The following TMCC1 variants were observed in gnomAD, a reference collection of about 807,000 sequenced individuals.
TMCC1 encodes the protein transmembrane and coiled-coil domains protein 1.
A neutral mutation model predicts 52.4 loss-of-function variants in TMCC1; 15 were observed. That is an observed-to-expected ratio of 0.29 (90% confidence interval 0.19 to 0.44). The LOEUF is 0.44. TMCC1 is among the 20% of genes least tolerant of loss of function. The pLI is 1.00. For synonymous variants in TMCC1, 279 were observed against 301.9 expected, an observed-to-expected ratio of 0.92 and a Z score of 0.79; for missense variants, 503 against 806.0, an observed-to-expected ratio of 0.62 and a Z score of 4.55.
chr3:129,815,167 G>A (rs985995100), intron 4 of TMCC1, among the ~76,000 whole-genome samples: 2 of 151,548 alleles, frequency 1.3e-5, no homozygotes, highest in Admixed American at 6.6e-5. Flanking sequence ...AAATCTCAAC[G>A]ATTAAAAAAA....
intron 4 of TMCC1, among the ~76,000 whole-genome samples, chr3:129,682,606 G>A (rs2089088013): frequency 6.6e-6 from 1 of 152,086 alleles, no homozygotes; most frequent in African/African-American, 2.4e-5. Flanking sequence ...CTGCTACATA[G>A]ATGACTCTCT....
At chr3:129,817,999 G>A (rs1189585422) in intron 4 of TMCC1, among the ~76,000 whole-genome samples, 14 of 152,076 alleles carry the variant, frequency 9.2e-5, no homozygotes, top group African/African-American at 3.1e-4. Flanking sequence ...TAGTAGAGAC[G>A]GGGTCTCACC....
At chr3:129,765,317 C>T (rs1422989043) in intron 4 of TMCC1, among the ~76,000 whole-genome samples, 1 of 151,942 alleles carries the variant, frequency 6.6e-6, no homozygotes, top group Non-Finnish European at 1.5e-5. Context: ...TGAAAAATAG[C>T]TGTCTTTAAA....
intron 2 of TMCC1, among the ~76,000 whole-genome samples, chr3:129,864,770 T>C (rs547475780): frequency 2.0e-5 from 3 of 152,364 alleles, no homozygotes; most frequent in East Asian, 1.9e-4. Context: ...GAATTTTAAC[T>C]GTCAATTAGG....
chr3:129,830,140 G>A (rs187850655), intron 3 of TMCC1, among the ~76,000 whole-genome samples: 3 of 152,308 alleles, frequency 2.0e-5, no homozygotes, highest in African/African-American at 7.2e-5. Context: ...TGGCTCCACT[G>A]AAATCTAGCC....
intron 2 of TMCC1, among the ~76,000 whole-genome samples, chr3:129,846,042 AAAAAGAAAAAAC>A (rs1332761523): frequency 1.3e-5 from 2 of 152,276 alleles, no homozygotes; most frequent in South Asian, 2.1e-4. Flanking sequence ...TCAAAAAAAT[AAAAAGAAAAAAC>A]AAAAGAAAAA....
At chr3:129,679,318 T>G (rs1023523198) in intron 4 of TMCC1, among the ~76,000 whole-genome samples, 16 of 152,308 alleles carry the variant, frequency 1.1e-4, no homozygotes, top group East Asian at 9.6e-4. Flanking sequence ...TTTATTTATT[T>G]ATTTATTGAT....
chr3:129,686,349 G>A (rs972602899), intron 4 of TMCC1, among the ~76,000 whole-genome samples: 15 of 152,028 alleles, frequency 9.9e-5, no homozygotes, highest in African/African-American at 3.4e-4. Flanking sequence ...TGATTCGCCC[G>A]CCTCGGCCTC....
intron 4 of TMCC1, among the ~76,000 whole-genome samples, chr3:129,816,705 T>C (rs886318435): frequency 6.6e-6 from 1 of 151,972 alleles, no homozygotes; most frequent in South Asian, 2.1e-4. Context: ...TTATAGAAGA[T>C]AATAATTCAA....
intron 4 of TMCC1, among the ~76,000 whole-genome samples, chr3:129,812,852 A>G (rs1036666093): frequency 1.3e-5 from 2 of 152,222 alleles, no homozygotes; most frequent in Non-Finnish European, 2.9e-5. Context: ...GAGCTTCTGC[A>G]CAACAGAAGA....
chr3:129,693,559 T>G (rs1309874734), intron 4 of TMCC1, among the ~76,000 whole-genome samples: 2 of 142,680 alleles, frequency 1.4e-5, no homozygotes, highest in African/African-American at 5.1e-5. Flanking sequence ...TAGGCTGGAG[T>G]GCAGTGCCTC....
intron 4 of TMCC1, among the ~76,000 whole-genome samples, chr3:129,705,942 G>A (rs2048199597): frequency 6.9e-6 from 1 of 144,390 alleles, no homozygotes; most frequent in Non-Finnish European, 1.5e-5. Flanking sequence ...CCAGGCTGGA[G>A]TGCAGTGGCA....
At chr3:129,705,172 T>C (rs1203726683) in intron 4 of TMCC1, among the ~76,000 whole-genome samples, 2 of 152,218 alleles carry the variant, frequency 1.3e-5, no homozygotes, top group Non-Finnish European at 2.9e-5. Flanking sequence ...CTACCCTTGA[T>C]ATCTATACAG....
Position 129,671,279 on chromosome 3 carries a change from A to C in TMCC1, c.577-15T>G. 1.3e-6 allele frequency: 2 copies of C among 1,595,016 alleles called. No individual in the cohort carries two copies. The highest frequency in any genetic ancestry group is 1.7e-6 in the Non-Finnish European group (2 of 1,169,494). ...AACCGTTCGATCTAGTGTAAAAACA[A>C]GAGGTACATGTTAGAAGCCCAAGAG... On this transcript the variant is annotated splice_polypyrimidine_tract_variant and intron_variant, in intron 4 of 6. Coordinates refer to ENST00000393238, the MANE Select transcript of TMCC1 (RefSeq NM_001017395.5).
chr3:129,820,513 C>T (rs1419505303), intron 4 of TMCC1, among the ~76,000 whole-genome samples: 1 of 151,732 alleles, frequency 6.6e-6, no homozygotes, highest in Non-Finnish European at 1.5e-5. Flanking sequence ...ATACAGGGTA[C>T]CAGATTCAGA....
chr3:129,887,688 T>TA (rs1560625857), intron 1 of TMCC1, among the ~76,000 whole-genome samples: 1 of 152,034 alleles, frequency 6.6e-6, no homozygotes. Context: ...ATTGACATTC[T>TA]AAAAAAGGCA....
In TMCC1 at chr3:129,840,756, GCGA is replaced by G. The variant is rs377550588; in HGVS notation, c.-183-7933_-183-7931del. 2.0e-4 allele frequency among the ~76,000 whole-genome samples: 30 copies of G among 152,244 alleles called. No individual in the cohort carries two copies. In the East Asian group the frequency reaches 3.1e-3, roughly 16 times the overall value. The stretch of plus-strand genomic sequence containing the variant: ...ATGCCTTTCTTCCCCTTCACCTTCT[GCGA>G]TGATTTTAAGTTTCCTGAGGCCTTC... On this transcript the variant is annotated intron_variant, in intron 2 of 6. Coordinates refer to ENST00000393238, the MANE Select transcript of TMCC1 (RefSeq NM_001017395.5).
rs892314275 is a variant in TMCC1 at position 129,688,377 on chromosome 3, C to T, written c.577-17113G>A. ...GTCACTGCTGCACATACTTGGTTTC[C>T]GAGAATAACGCTGCAAATGAGGACA... On this transcript the variant is annotated intron_variant, in intron 4 of 6. Transcript: ENST00000393238. 10 of 985,250 alleles carry T rather than the reference C, an allele frequency of 1.0e-5. No homozygotes were observed. The East Asian group carries it at 3.4e-4, about 34-fold the overall frequency. 61.0% of individuals were successfully genotyped at this position (985,250 alleles called of 1,614,324 possible). A position where few individuals can be genotyped will look rare whatever the true frequency, so the allele number is the denominator to read the frequency against.
At chr3:129,740,469 T>C (rs1410476669) in intron 4 of TMCC1, among the ~76,000 whole-genome samples, 2 of 152,236 alleles carry the variant, frequency 1.3e-5, no homozygotes. Context: ...TGCTCTTTTC[T>C]GTACTTCCTT....
Sources: gnomAD v4.1 joint callset for allele counts (sites outside exome capture counted in the v4.1 genomes callset) on GRCh38, gnomAD v4.1.1 for gene constraint, MANE v1.5 for transcripts, NCBI Gene and HGNC (gene_info 2026-07-23, HGNC 2026-07-21) for gene names.